Variants in TMPRSS11E observed in about 807,000 individuals in gnomAD.
The protein encoded by TMPRSS11E is transmembrane serine protease 11E.
Under a neutral mutation model 48.1 loss-of-function variants are expected in TMPRSS11E, and 38 were observed. The ratio of observed to expected loss-of-function variants is 0.79; its 90% CI spans 0.61 to 1.04. The LOEUF (loss-of-function observed/expected upper bound fraction) is 1.04, where lower values mean the gene tolerates loss of function less well. Among genes scored for constraint, TMPRSS11E ranks in the 50% least tolerant of loss-of-function variants. The probability of loss-of-function intolerance (pLI) is 0.00; values close to 1 mark genes in which losing one functional copy is unlikely to be tolerated. For missense variants in TMPRSS11E, 530 were observed against 510.8 expected (o/e 1.04, Z -0.36); for synonymous variants, 158 against 171.9 (o/e 0.92, Z 0.63).
intron 4 of TMPRSS11E, among the ~76,000 whole-genome samples, chr4:68,470,444 A>G (rs184622091): frequency 1.8e-3 from 270 of 151,952 alleles, no homozygotes; most frequent in African/African-American, 6.0e-3. Context: ...GGCTTTGTCA[A>G]CTAGGATACT....
In TMPRSS11E at chr4:68,477,515, G is replaced by C. The variant is rs765668121; in HGVS notation, c.854G>C (p.Ser285Thr). Residue 285 changes from serine (S) to threonine (T), a missense_variant, in exon 8 of 10, where the codon AGC (serine) becomes ACC (threonine). Physicochemically the swap from Ser to Thr is moderately conservative, Grantham distance 58 (BLOSUM62 1). Coordinates refer to ENST00000305363, the MANE Select transcript of TMPRSS11E (RefSeq NM_014058.4). ...GATATTTCTCTTGCAGAGCTTTCTA[G>C]CCCTGTTCCCTACACAAATGCAGTA... ...DYDISLAELS[S>T]PVPYTNAVHR... 6.2e-7 allele frequency: 1 copy of C among 1,613,984 alleles called. No homozygotes were observed. The highest frequency in any genetic ancestry group is 2.2e-5 in the East Asian group (1 of 44,866).
chr4:68,460,883 C>CTTTT (rs34208799), intron 1 of TMPRSS11E, among the ~76,000 whole-genome samples: 2 of 142,356 alleles, frequency 1.4e-5, no homozygotes, highest in Non-Finnish European at 1.5e-5. Context: ...TTTCCTGTAG[C>CTTTT]TTTTTTTTTT....
At position 68,496,773 on chromosome 4, in the gene TMPRSS11E, G is replaced by C. The variant is rs1729881295; in HGVS notation, c.1241G>C (p.Arg414Pro). ...PGVYTRVTAL[R>P]DWITSKTGI ...GTTTATACTAGAGTTACGGCCTTGC[G>C]GGACTGGATTACTTCAAAAACTGGT... Residue 414 changes from arginine to proline, a missense_variant, in exon 10 of 10, where the codon CGG becomes CCG. By Grantham distance (103) the Arg-to-Pro change is moderately radical. Coordinates refer to ENST00000305363, the MANE Select transcript of TMPRSS11E (RefSeq NM_014058.4). 1 of 1,613,042 alleles carries C rather than the reference G, an allele frequency of 6.2e-7. No individual in the cohort carries two copies.
chr4:68,462,534 G>T (rs1395653710), intron 2 of TMPRSS11E, among the ~76,000 whole-genome samples: 1 of 150,720 alleles, frequency 6.6e-6, no homozygotes, highest in Non-Finnish European at 1.5e-5. Context: ...AGTGAGCCGA[G>T]ATCACACCGC....
At chr4:68,472,836 C>T (rs1029688089) in intron 5 of TMPRSS11E, among the ~76,000 whole-genome samples, 5 of 152,008 alleles carry the variant, frequency 3.3e-5, no homozygotes, top group East Asian at 1.9e-4. Flanking sequence ...TCCCTGGTCT[C>T]GCTCTCGACT....
chr4:68,460,675 A>G (rs975376431), intron 1 of TMPRSS11E, among the ~76,000 whole-genome samples: 2 of 152,196 alleles, frequency 1.3e-5, no homozygotes, highest in Non-Finnish European at 2.9e-5. Context: ...AAATAAGAGT[A>G]TCATATTCAA....
chr4:68,460,444 T>C (rs1446069061), intron 1 of TMPRSS11E, among the ~76,000 whole-genome samples: 1 of 152,176 alleles, frequency 6.6e-6, no homozygotes, highest in Non-Finnish European at 1.5e-5. Context: ...CGCCCCTTAC[T>C]GATATATGGG....
chr4:68,466,859 T>C (rs996549562), intron 3 of TMPRSS11E, 107 bp downstream of exon 3: 39 of 1,460,036 alleles, frequency 2.7e-5, no homozygotes, highest in Non-Finnish European at 3.2e-5. Flanking sequence ...CCCTGTGTAT[T>C]TGCAAAATGA....
chr4:68,463,182 G>T (rs945522808), intron 2 of TMPRSS11E, among the ~76,000 whole-genome samples: 2 of 152,122 alleles, frequency 1.3e-5, no homozygotes, highest in South Asian at 4.1e-4. Context: ...AAGCAAGGTG[G>T]ATCATTTCTG....
rs200102983 is a variant in TMPRSS11E, at chr4:68,458,744, T to TA, written c.12-3071dup. Among the ~76,000 whole-genome samples the TA allele has an allele frequency of 4.8e-3, 725 of 152,108 alleles. 7 individuals carry two copies. Among genetic ancestry groups the TA allele is most frequent in the African/African-American group, 0.016 (671 of 41,474 alleles). On this transcript the variant is annotated intron_variant, in intron 1 of 9. Coordinates refer to ENST00000305363, the MANE Select transcript of TMPRSS11E (RefSeq NM_014058.4). ...AGGATCAATTATATCTCAAAAAAGCTAAAAAATAGGGTGAATCAGTTTGAA... is the reference window on the plus strand; with the variant it reads ...AGGATCAATTATATCTCAAAAAAGCTAAAAAAATAGGGTGAATCAGTTTGAA...
chr4:68,496,555 CT>C, intron 9 of TMPRSS11E, 87 bp from the exon 10 acceptor site: 1 of 1,340,434 alleles, frequency 7.5e-7, no homozygotes, highest in East Asian at 2.4e-5. Flanking sequence ...AAAATTACCC[CT>C]TTCATTACAT....
chr4:68,489,895 A>C (rs1391736016), intron 9 of TMPRSS11E, among the ~76,000 whole-genome samples: 1 of 152,138 alleles, frequency 6.6e-6, no homozygotes, highest in East Asian at 1.9e-4. Context: ...TATTTGGGGG[A>C]TGGGCACCCA....
rs1467114235 is a variant in TMPRSS11E, at chr4:68,477,639, G to T, written c.967+11G>T. 3 of 1,608,804 alleles carry T rather than the reference G, an allele frequency of 1.9e-6. No individual in the cohort carries two copies. In the African/African-American group the frequency reaches 4.0e-5, roughly 22 times the overall value. On this transcript the variant is annotated intron_variant, in intron 8 of 9. Coordinates refer to ENST00000305363, the MANE Select transcript of TMPRSS11E (RefSeq NM_014058.4). ...CACTGAAAAATGATGGTGAGCATCGGAAGAGGAACTCAAGTAAAAGTTAAA... is the reference window on the plus strand; with the variant it reads ...CACTGAAAAATGATGGTGAGCATCGTAAGAGGAACTCAAGTAAAAGTTAAA...
chr4:68,466,801 C>T (rs1011898840), intron 3 of TMPRSS11E, 49 bp downstream of exon 3: 1 of 1,608,326 alleles, frequency 6.2e-7, no homozygotes, highest in Non-Finnish European at 8.5e-7. Flanking sequence ...CACTTTTTAC[C>T]ATATTTTTAG....
chr4:68,492,072 G>A (rs1729740201), intron 9 of TMPRSS11E, among the ~76,000 whole-genome samples: 1 of 152,042 alleles, frequency 6.6e-6, no homozygotes, highest in African/African-American at 2.4e-5. Flanking sequence ...CTTTTTCTGT[G>A]TTTCCTAATT....
intron 1 of TMPRSS11E, among the ~76,000 whole-genome samples, chr4:68,452,181 A>C (rs1728516386): frequency 6.6e-6 from 1 of 151,914 alleles, no homozygotes; most frequent in Admixed American, 6.6e-5. Context: ...CTTCACCTGT[A>C]TACTGATGTC....
rs148482101 is a variant in TMPRSS11E, at chr4:68,476,273, G to C, written c.542G>C (p.Arg181Pro). The change falls in exon 7 of 10, where the codon CGA becomes CCA. Residue 181 changes from arginine to proline, a missense_variant. Coordinates refer to ENST00000305363, the MANE Select transcript of TMPRSS11E (RefSeq NM_014058.4). ...CTCTCTTTTGCAGGCTGCGGAACAC[G>C]AAGAAGTAAAACTCTAGGTCAGAGT... ...DSYLNHCCGT[R>P]RSKTLGQSLR... The C allele has an allele frequency of 1.9e-6, 3 of 1,613,946 alleles. No individual in the cohort carries two copies. Among genetic ancestry groups the C allele is most frequent in the Admixed American group, 1.7e-5 (1 of 59,998 alleles).
intron 9 of TMPRSS11E, among the ~76,000 whole-genome samples, chr4:68,492,459 T>C (rs910410930): frequency 1.3e-5 from 2 of 152,230 alleles, no homozygotes; most frequent in Non-Finnish European, 2.9e-5. Context: ...TTGGTCTACA[T>C]AGTGCTACAT....
chr4:68,476,177 A>G (rs1729208089), intron 6 of TMPRSS11E, 84 bp from the exon 7 acceptor site: 2 of 1,563,188 alleles, frequency 1.3e-6, no homozygotes, highest in East Asian at 2.2e-5. Context: ...TAGAAGAAAT[A>G]TGGGACATAG....
Sources: allele counts gnomAD v4.1 joint callset (sites outside exome capture counted in the v4.1 genomes callset), GRCh38; gene constraint gnomAD v4.1.1; transcripts MANE v1.5; gene names NCBI Gene and HGNC (gene_info 2026-07-23, HGNC 2026-07-21).